GNAO1: variants seen among roughly 807,000 people sequenced by gnomAD.
The protein encoded by GNAO1 is G protein subunit alpha o1, also known as guanine nucleotide-binding protein G(o) subunit alpha.
For synonymous variants in GNAO1, 164 were observed against 180.7 expected (o/e 0.91, Z 0.74); for missense variants, 166 against 478.7 (o/e 0.35, Z 6.10).
chr16:56,208,385 G>T (rs1305076620), intron 2 of GNAO1, among the ~76,000 whole-genome samples: 1 of 151,590 alleles, frequency 6.6e-6, no homozygotes. Flanking sequence ...TTATCATTTT[G>T]AGTTTGGAGC....
At chr16:56,200,895 C>T (rs1419671386) in intron 2 of GNAO1, among the ~76,000 whole-genome samples, 1 of 152,186 alleles carries the variant, frequency 6.6e-6, no homozygotes. Flanking sequence ...AAATGGGGGC[C>T]ATTTTCAGAT....
intron 3 of GNAO1, among the ~76,000 whole-genome samples, chr16:56,278,173 C>T (rs1411086681): frequency 6.6e-6 from 1 of 152,156 alleles, no homozygotes. Context: ...GGGAAGGCTC[C>T]AATGGAAGGA....
intron 3 of GNAO1, among the ~76,000 whole-genome samples, chr16:56,290,715 C>T (rs989602704): frequency 3.9e-5 from 6 of 152,160 alleles, no homozygotes; most frequent in African/African-American, 1.2e-4. Flanking sequence ...TCTGTGCATC[C>T]ACTCCTGGAA....
In GNAO1 at chr16:56,351,218, A is replaced by T. The variant is rs1364237940; in HGVS notation, c.724-166A>T. Among the ~76,000 whole-genome samples the T allele has an allele frequency of 6.6e-6, 1 of 152,002 alleles. No individual in the cohort carries two copies. The highest frequency in any genetic ancestry group is 1.5e-5 in the Non-Finnish European group (1 of 67,994). On this transcript the variant is annotated intron_variant, in intron 6 of 8. Transcript: ENST00000262493. The surrounding 1 kb of genome is among the most constrained non-coding windows in gnomAD (Gnocchi z 6.1). ...GGGTTCTCCGGAAGCAGGGAATGAGATGTGCTGTGAGGTGTAACTGACTCA... is the reference window on the plus strand; with the variant it reads ...GGGTTCTCCGGAAGCAGGGAATGAGTTGTGCTGTGAGGTGTAACTGACTCA...
At chr16:56,348,539 A>G (rs1345587758) in intron 6 of GNAO1, among the ~76,000 whole-genome samples, 1 of 152,232 alleles carries the variant, frequency 6.6e-6, no homozygotes, top group Non-Finnish European at 1.5e-5. Flanking sequence ...AGCCTGGGGC[A>G]GGTGGAGGTC....
chr16:56,353,631 C>T (rs2037943857), intron 7 of GNAO1: 1 of 152,342 alleles, frequency 6.6e-6, no homozygotes, highest in African/African-American at 2.4e-5. Context: ...GCGCTCCTCC[C>T]ACCTGGACGG....
intron 2 of GNAO1, among the ~76,000 whole-genome samples, chr16:56,213,661 A>G (rs1450294443): frequency 6.6e-6 from 1 of 152,080 alleles, no homozygotes; most frequent in African/African-American, 2.4e-5. Flanking sequence ...GTCGTCAGGG[A>G]GGGCCATACT....
At chr16:56,194,120 A>G in intron 2 of GNAO1, 2 of 456,552 alleles carry the variant, frequency 4.4e-6, no homozygotes, top group South Asian at 3.1e-5. Flanking sequence ...ACTCGGAGAC[A>G]ATTTTCCCAT....
At chr16:56,194,424 T>C (rs768168877) in intron 2 of GNAO1, 14 of 366,252 alleles carry the variant, frequency 3.8e-5, no homozygotes, top group Non-Finnish European at 7.6e-5. Context: ...AGTGGCGGAC[T>C]CGGAGCCCAG....
chr16:56,198,646 G>C (rs2036254766), intron 2 of GNAO1, among the ~76,000 whole-genome samples: 1 of 152,222 alleles, frequency 6.6e-6, no homozygotes, highest in Admixed American at 6.5e-5. Context: ...TAATAGGATT[G>C]TGGAGAGCAT....
chr16:56,239,003 A>G (rs1416143946), intron 2 of GNAO1, among the ~76,000 whole-genome samples: 1 of 152,216 alleles, frequency 6.6e-6, no homozygotes. Context: ...ATTGCATATC[A>G]CTTTATGCCC....
chr16:56,342,729 G>C (rs1344499322), intron 6 of GNAO1, among the ~76,000 whole-genome samples: 2 of 152,208 alleles, frequency 1.3e-5, no homozygotes, highest in African/African-American at 4.8e-5. Flanking sequence ...CCACCCACAG[G>C]GTGTGCATCG....
At position 56,310,183 on chromosome 16, in the gene GNAO1, C is replaced by T. The variant is rs142742151; in HGVS notation, c.304-18448C>T. On this transcript the variant is annotated intron_variant, in intron 3 of 8. Transcript: ENST00000262493. ...AAAGAAAAAAAAAAGAAAAAATCAG[C>T]AGGACATTGTGGTGTGCTCCCGTAG... Among the ~76,000 whole-genome samples the T allele has an allele frequency of 5.7e-3, 865 of 152,042 alleles. 8 individuals carry two copies. Among genetic ancestry groups the T allele is most frequent in the African/African-American group, 0.019 (793 of 41,468 alleles).
At chr16:56,193,348 G>C (rs962232070) in intron 2 of GNAO1, 1 of 152,960 alleles carries the variant, frequency 6.5e-6, no homozygotes, top group African/African-American at 2.4e-5. Context: ...CTGAATGTCC[G>C]CCCCTTGCTG....
At chr16:56,318,247 C>G (rs554985381) in intron 3 of GNAO1, among the ~76,000 whole-genome samples, 6 of 152,304 alleles carry the variant, frequency 3.9e-5, no homozygotes, top group African/African-American at 1.4e-4. Flanking sequence ...GACGGTGTTT[C>G]CTCAGATGTG....
chr16:56,220,282 G>A (rs1169138206), intron 2 of GNAO1, among the ~76,000 whole-genome samples: 3 of 151,994 alleles, frequency 2.0e-5, no homozygotes, highest in East Asian at 1.9e-4. Context: ...TTCCTCCCAC[G>A]TATGCTGTTT....
At chr16:56,346,564 G>T (rs1305598966) in intron 6 of GNAO1, 15 of 985,286 alleles carry the variant, frequency 1.5e-5, no homozygotes, top group South Asian at 9.4e-5. Context: ...GGTCCCCAAG[G>T]CTCTCTGGCC....
In GNAO1 at chr16:56,336,704, C is replaced by A. The variant is rs369026621; in HGVS notation, c.594-27C>A. On this transcript the variant is annotated intron_variant, in intron 5 of 8. Coordinates refer to ENST00000262493, the MANE Select transcript of GNAO1 (RefSeq NM_020988.3). ...GCAGCCCTCACCTGCCTGGACCCTG[C>A]GCCTACCAGCTCCCTGCCTCCTACA... 7 of 1,590,474 alleles carry A rather than the reference C, an allele frequency of 4.4e-6. No homozygotes were observed. The African/African-American group carries it at 6.7e-5, about 15-fold the overall frequency.
intron 2 of GNAO1, among the ~76,000 whole-genome samples, chr16:56,215,874 G>A (rs1368274655): frequency 6.6e-6 from 1 of 152,186 alleles, no homozygotes; most frequent in African/African-American, 2.4e-5. Flanking sequence ...TCTGTATTGA[G>A]TACTTACTGT....
Sources: gnomAD v4.1 joint callset for allele counts (sites outside exome capture counted in the v4.1 genomes callset) on GRCh38, gnomAD v4.1.1 for gene constraint, Gnocchi (gnomAD v3.1) non-coding constraint, MANE v1.5 for transcripts, NCBI Gene and HGNC (gene_info 2026-07-23, HGNC 2026-07-21) for gene names.